Variants in JAM3 observed in about 807,000 individuals in gnomAD.
JAM3 encodes the protein junctional adhesion molecule 3.
A neutral mutation model predicts 39.4 loss-of-function variants in JAM3; 31 were observed. The observed-to-expected ratio is 0.79, with a 90% CI of 0.59 to 1.06. The LOEUF (loss-of-function observed/expected upper bound fraction) is 1.06. Ranked by LOEUF, JAM3 falls within the 50% of genes least tolerant of loss-of-function variation. JAM3 has a pLI of 0.00. For missense variants in JAM3, 455 were observed against 391.4 expected (o/e 1.16, Z -1.37); for synonymous variants, 182 against 148.7 (o/e 1.22, Z -1.63).
At chr11:134,118,968 TC>T (rs1942486573) in intron 1 of JAM3, among the ~76,000 whole-genome samples, 1 of 116,970 alleles carries the variant, frequency 8.5e-6, no homozygotes, top group African/African-American at 4.3e-5. Flanking sequence ...GCTCAAGAAA[TC>T]TTTTTTTTTT....
At chr11:134,098,702 C>G (rs1942025859) in intron 1 of JAM3, among the ~76,000 whole-genome samples, 1 of 152,078 alleles carries the variant, frequency 6.6e-6, no homozygotes, top group African/African-American at 2.4e-5. Flanking sequence ...TCTTCTTTTT[C>G]TGGGCCTGAT....
intron 1 of JAM3, among the ~76,000 whole-genome samples, chr11:134,110,057 G>A (rs1300905114): frequency 6.6e-6 from 1 of 152,120 alleles, no homozygotes; most frequent in African/African-American, 2.4e-5. Flanking sequence ...AATACAAGAT[G>A]CTTAACCTAA....
At chr11:134,128,464 C>G (rs534035035) in intron 1 of JAM3, among the ~76,000 whole-genome samples, 312 of 152,218 alleles carry the variant, frequency 2.0e-3, no homozygotes, top group African/African-American at 7.2e-3. Flanking sequence ...GTGTTCCACC[C>G]AAATCTCATC....
intron 1 of JAM3, among the ~76,000 whole-genome samples, chr11:134,131,524 C>A (rs1038420472): frequency 3.3e-5 from 5 of 151,510 alleles, no homozygotes; most frequent in Admixed American, 3.3e-4. Flanking sequence ...ACAACAACAA[C>A]AAAAAATAAC....
intron 1 of JAM3, among the ~76,000 whole-genome samples, chr11:134,089,063 A>G (rs1423276073): frequency 1.3e-5 from 2 of 152,210 alleles, no homozygotes; most frequent in East Asian, 1.9e-4. Context: ...ATTGAGAACT[A>G]TGGAATTCCA....
At chr11:134,133,883 A>G (rs1942813498) in intron 1 of JAM3, among the ~76,000 whole-genome samples, 1 of 152,244 alleles carries the variant, frequency 6.6e-6, no homozygotes, top group South Asian at 2.1e-4. Flanking sequence ...CTAAAAAGCA[A>G]AAACAGTTTG....
At chr11:134,120,973 C>G (rs1942520408) in intron 1 of JAM3, among the ~76,000 whole-genome samples, 1 of 152,230 alleles carries the variant, frequency 6.6e-6, no homozygotes, top group Admixed American at 6.5e-5. Context: ...AGGCGTCATC[C>G]TCATGCTCAA....
intron 1 of JAM3, among the ~76,000 whole-genome samples, chr11:134,103,821 A>G (rs1366594408): frequency 6.6e-6 from 1 of 152,236 alleles, no homozygotes; most frequent in East Asian, 1.9e-4. Flanking sequence ...TATCCTAAAT[A>G]TATATGCACT....
chr11:134,149,593 A>C lies in JAM3; in HGVS notation c.*412A>C, dbSNP rs1279521418. ...ATGTGAGATGGCGAGGTGGCTGGACAGCACCAGCAGCGCATCCCGGCGGGA... is the reference window on the plus strand; with the variant it reads ...ATGTGAGATGGCGAGGTGGCTGGACCGCACCAGCAGCGCATCCCGGCGGGA... On this transcript the variant is annotated 3_prime_UTR_variant, in exon 9 of 9. Transcript: ENST00000299106. The C allele has an allele frequency of 2.1e-6, 1 of 469,744 alleles. No homozygotes were observed. Among genetic ancestry groups the C allele is most frequent in the Non-Finnish European group, 4.2e-6 (1 of 236,238 alleles). The allele number at this position is 469,744 out of a possible 1,614,324, so 29.1% of individuals were successfully genotyped here.
chr11:134,146,893 C>T (rs562040782), intron 6 of JAM3, among the ~76,000 whole-genome samples: 10 of 152,070 alleles, frequency 6.6e-5, no homozygotes, highest in African/African-American at 2.2e-4. Flanking sequence ...TCCTTCCCTC[C>T]TCCCTATTTG....
intron 8 of JAM3, 27 bp from the exon 9 acceptor site, chr11:134,149,119 G>A: frequency 6.2e-7 from 1 of 1,613,844 alleles, no homozygotes; most frequent in Admixed American, 1.7e-5. Flanking sequence ...GCCCCTTGAT[G>A]GCTCTAACTG....
At chr11:134,135,828 G>T (rs977153241) in intron 1 of JAM3, among the ~76,000 whole-genome samples, 6 of 152,028 alleles carry the variant, frequency 3.9e-5, no homozygotes, top group African/African-American at 1.4e-4. Context: ...TAGCACTTTG[G>T]GGGGCCGAGG....
At chr11:134,108,233 CAA>C (rs1565491267) in intron 1 of JAM3, among the ~76,000 whole-genome samples, 1 of 151,830 alleles carries the variant, frequency 6.6e-6, no homozygotes, top group African/African-American at 2.4e-5. Flanking sequence ...AAAGCTCACT[CAA>C]GAAGAAATAA....
intron 1 of JAM3, among the ~76,000 whole-genome samples, chr11:134,091,538 A>G (rs191039317): frequency 1.7e-3 from 256 of 151,946 alleles, no homozygotes; most frequent in African/African-American, 5.9e-3. Context: ...AGATAGATAG[A>G]TAGGCATGGT....
chr11:134,128,222 C>T lies in JAM3; in HGVS notation c.77-11629C>T, dbSNP rs183933091. Among the ~76,000 whole-genome samples the T allele has an allele frequency of 3.3e-5, 5 of 151,182 alleles. 1 individual carries two copies. The highest frequency in any genetic ancestry group is 1.2e-4 in the African/African-American group (5 of 41,084). On this transcript the variant is annotated intron_variant, in intron 1 of 8. Transcript: ENST00000299106. ...CTTAATGTAGCTGGGGATGCCATTCCATGTGGTTTTAGAAATCCTTTGTTA... is the reference window on the plus strand; with the variant it reads ...CTTAATGTAGCTGGGGATGCCATTCTATGTGGTTTTAGAAATCCTTTGTTA...
At chr11:134,148,980 ACACACACACACACACT>A (rs1943134898) in intron 8 of JAM3, among the ~76,000 whole-genome samples, 150 bp from the exon 9 acceptor site, 1 of 151,772 alleles carries the variant, frequency 6.6e-6, no homozygotes, top group Non-Finnish European at 1.5e-5. Flanking sequence ...ACACACACAC[ACACACACACACACACT>A]AATGGGATTT....
intron 1 of JAM3, among the ~76,000 whole-genome samples, chr11:134,077,527 C>T (rs933495224): frequency 2.6e-5 from 4 of 151,444 alleles, no homozygotes; most frequent in Non-Finnish European, 5.9e-5. Context: ...CCATGCCTAG[C>T]TAATTTTTGT....
At chr11:134,069,852 T>G (rs1941460508) in intron 1 of JAM3, among the ~76,000 whole-genome samples, 1 of 152,224 alleles carries the variant, frequency 6.6e-6, no homozygotes, top group South Asian at 2.1e-4. Flanking sequence ...GAACTGCTTT[T>G]CTTTTACAGA....
At chr11:134,107,243 A>G (rs1440950811) in intron 1 of JAM3, among the ~76,000 whole-genome samples, 1 of 152,212 alleles carries the variant, frequency 6.6e-6, no homozygotes, top group African/African-American at 2.4e-5. Context: ...CAAAAAACCA[A>G]ACACCGCATG....
Sources: allele counts gnomAD v4.1 joint callset (sites outside exome capture counted in the v4.1 genomes callset), GRCh38; gene constraint gnomAD v4.1.1; transcripts MANE v1.5; gene names NCBI Gene and HGNC (gene_info 2026-07-23, HGNC 2026-07-21).